NAALADL2: variants seen among roughly 807,000 people sequenced by gnomAD.
NAALADL2 encodes inactive N-acetylated-alpha-linked acidic dipeptidase-like protein 2.
A neutral mutation model predicts 87.2 loss-of-function variants in NAALADL2; 76 were observed. The observed-to-expected ratio is 0.87, with a 90% confidence interval of 0.72 to 1.05. The LOEUF is 1.05. Ranked by LOEUF, NAALADL2 falls within the 50% of genes least tolerant of loss-of-function variation. The pLI is 0.00. For missense variants in NAALADL2, 1,089 were observed against 945.8 expected, an observed-to-expected ratio of 1.15 and a Z score of -1.99; for synonymous variants, 354 against 331.0, an observed-to-expected ratio of 1.07 and a Z score of -0.75.
rs1479482552 is a variant in NAALADL2, at chr3:175,214,981, A to G, written c.546-18950A>G. ...GGGTTTACTAATTCACTACATGTTT[A>G]TGGTACTTTAAACTATACGGACTAA... On this transcript the variant is annotated intron_variant, in intron 2 of 13. Coordinates refer to ENST00000454872, the MANE Select transcript of NAALADL2 (RefSeq NM_207015.3). 4.6e-5 allele frequency among the ~76,000 whole-genome samples: 7 copies of G among 152,276 alleles called. No homozygotes were observed. In the East Asian group the frequency reaches 1.4e-3, roughly 29 times the overall value.
At chr3:174,536,073 A>T (rs552380808) in intron 1 of NAALADL2, among the ~76,000 whole-genome samples, 2 of 152,278 alleles carry the variant, frequency 1.3e-5, no homozygotes, top group East Asian at 3.9e-4. Context: ...AAACATTTTT[A>T]AAATGCAGCT....
rs181376760 is a variant in NAALADL2 at position 175,326,786 on chromosome 3, G to A, written c.1090+2461G>A. Among the ~76,000 whole-genome samples, 375 of 152,188 alleles carry A rather than the reference G, an allele frequency of 2.5e-3. 3 individuals carry two copies. Among genetic ancestry groups the A allele is most frequent in the African/African-American group, 8.8e-3 (364 of 41,524 alleles). ...ACATGCCCCTCAAAATAACGCGCCT[G>A]CTCTCATGATAACAGCATTAATCCA... On this transcript the variant is annotated intron_variant, in intron 5 of 13. Transcript: ENST00000454872.
chr3:175,803,127 A>G lies in NAALADL2; in HGVS notation c.2312A>G (p.Asn771Ser), dbSNP rs370711810. 1 of 1,612,552 alleles carries G rather than the reference A, an allele frequency of 6.2e-7. No individual in the cohort carries two copies. The highest frequency in any genetic ancestry group is 8.5e-7 in the Non-Finnish European group (1 of 1,179,024). Residue 771 changes from asparagine (N) to serine (S), a missense_variant, in exon 14 of 14, where the codon AAC (asparagine) becomes AGC (serine). Asn to Ser is a conservative substitution (Grantham distance 46). Transcript: ENST00000454872. Reference sequence around the variant, plus strand: ...CAAGAAGCCCTGTCAGAGGTGTTGAACAGCATTAATTCAGCTCAGGTTTAC... The same window carrying G: ...CAAGAAGCCCTGTCAGAGGTGTTGAGCAGCATTAATTCAGCTCAGGTTTAC... ...TLQEALSEVL[N>S]SINSAQVYFK...
chr3:174,613,197 T>G (rs1720105842), intron 2 of NAALADL2, among the ~76,000 whole-genome samples: 1 of 152,286 alleles, frequency 6.6e-6, no homozygotes, highest in East Asian at 1.9e-4. Context: ...GGACAAAAGC[T>G]CCCATGTGGC....
At chr3:175,153,846 C>G (rs901699535) in intron 2 of NAALADL2, among the ~76,000 whole-genome samples, 3 of 152,118 alleles carry the variant, frequency 2.0e-5, no homozygotes, top group African/African-American at 4.8e-5. Context: ...CTGCTGATTG[C>G]CTGTCTTTCA....
chr3:175,664,372 A>G (rs1732674965), intron 11 of NAALADL2, among the ~76,000 whole-genome samples: 1 of 151,994 alleles, frequency 6.6e-6, no homozygotes, highest in Non-Finnish European at 1.5e-5. Flanking sequence ...CATGTCTACT[A>G]CTCTCTCTAT....
chr3:175,789,018 A>G (rs1752458886), intron 13 of NAALADL2, among the ~76,000 whole-genome samples: 1 of 152,194 alleles, frequency 6.6e-6, no homozygotes, highest in Non-Finnish European at 1.5e-5. Flanking sequence ...CAAGAAAAAT[A>G]GGTGGAATTC....
At chr3:175,125,612 C>T (rs1020190188) in intron 2 of NAALADL2, among the ~76,000 whole-genome samples, 6 of 151,776 alleles carry the variant, frequency 4.0e-5, no homozygotes, top group Non-Finnish European at 8.8e-5. Context: ...CATTTTTTGG[C>T]CTAAGTGGCT....
intron 2 of NAALADL2, among the ~76,000 whole-genome samples, chr3:175,136,547 G>A (rs917309880): frequency 6.6e-6 from 1 of 152,106 alleles, no homozygotes; most frequent in East Asian, 1.9e-4. Flanking sequence ...CTATGTATTT[G>A]TTCCTCTTTA....
At chr3:174,757,750 G>A (rs551277219) in intron 3 of NAALADL2, among the ~76,000 whole-genome samples, 2 of 151,982 alleles carry the variant, frequency 1.3e-5, no homozygotes, top group South Asian at 2.1e-4. Flanking sequence ...TGATCCACCC[G>A]CCTCAGCCTC....
chr3:175,114,827 A>T (rs6774509), intron 2 of NAALADL2, among the ~76,000 whole-genome samples: 88,293 of 151,288 alleles, frequency 0.58, 25,975 homozygotes, highest in African/African-American at 0.66. Flanking sequence ...TAGACTCATT[A>T]CAGTATAAAA....
chr3:175,013,291 ATATATATATATTT>A (rs1750368580), intron 1 of NAALADL2, among the ~76,000 whole-genome samples: 2 of 84,736 alleles, frequency 2.4e-5, no homozygotes, highest in African/African-American at 1.4e-4. Context: ...ATATATATAT[ATATATATATATTT>A]TTTTTTTTTT....
chr3:175,612,820 TC>T (rs1166471154), intron 10 of NAALADL2, among the ~76,000 whole-genome samples: 4 of 152,204 alleles, frequency 2.6e-5, no homozygotes, highest in African/African-American at 9.6e-5. Flanking sequence ...TTTGAGAATA[TC>T]ATTTTTTCTT....
chr3:175,198,714 T>A (rs1445119883), intron 2 of NAALADL2, among the ~76,000 whole-genome samples: 7 of 151,872 alleles, frequency 4.6e-5, no homozygotes, highest in Non-Finnish European at 1.0e-4. Flanking sequence ...AACCTTTGGG[T>A]ATACTGACAA....
chr3:175,057,517 C>T (rs866348333), intron 1 of NAALADL2, among the ~76,000 whole-genome samples: 1 of 152,208 alleles, frequency 6.6e-6, no homozygotes, highest in Non-Finnish European at 1.5e-5. Flanking sequence ...TCCTTCACTA[C>T]TCTTACCCTG....
intron 4 of NAALADL2, among the ~76,000 whole-genome samples, chr3:175,322,352 G>T (rs1334308973): frequency 8.1e-6 from 1 of 122,780 alleles, no homozygotes; most frequent in Non-Finnish European, 1.6e-5. Flanking sequence ...ATGGATTAAA[G>T]ATTTAAACGT....
rs1313725861 is a variant in NAALADL2 at position 175,588,516 on chromosome 3, ACTTT to A, written c.1800+12342_1800+12345del. Among the ~76,000 whole-genome samples the A allele has an allele frequency of 5.7e-5, 8 of 139,564 alleles. No individual in the cohort carries two copies. In the East Asian group the frequency reaches 8.0e-4, roughly 14 times the overall value. 91.6% of individuals were successfully genotyped at this position (139,564 alleles called of 152,430 possible). ...TTTAAGAAAGAGCTCAATTTAGGAGACTTTCTTTCTTTCTTTTCTTTTTTTTTTT... is the reference window on the plus strand; with the variant it reads ...TTTAAGAAAGAGCTCAATTTAGGAGACTTTCTTTCTTTTCTTTTTTTTTTT... On this transcript the variant is annotated intron_variant, in intron 10 of 13. Transcript: ENST00000454872.
intron 2 of NAALADL2, among the ~76,000 whole-genome samples, chr3:174,730,488 T>G (rs982401705): frequency 5.3e-5 from 8 of 152,102 alleles, no homozygotes; most frequent in African/African-American, 1.9e-4. Context: ...TATGTCAAAA[T>G]AAAAGAACTT....
chr3:175,312,923 T>C (rs189435371), intron 4 of NAALADL2, among the ~76,000 whole-genome samples: 56 of 152,326 alleles, frequency 3.7e-4, no homozygotes, highest in African/African-American at 1.3e-3. Context: ...GGCACATATT[T>C]GCCTTATGTG....
Sources: allele counts gnomAD v4.1 joint callset (sites outside exome capture counted in the v4.1 genomes callset), GRCh38; gene constraint gnomAD v4.1.1; transcripts MANE v1.5; gene names NCBI Gene and HGNC (gene_info 2026-07-23, HGNC 2026-07-21).